The following FAM89A variants were observed in gnomAD, a reference collection of about 807,000 sequenced individuals.
FAM89A encodes family with sequence similarity 89 member A, also known as protein FAM89A.
A neutral mutation model predicts 7.1 loss-of-function variants in FAM89A; 10 were observed. The observed-to-expected ratio is 1.40, with a 90% CI of 0.86 to 2.38. The LOEUF (loss-of-function observed/expected upper bound fraction) is 2.38, where lower values mean the gene tolerates loss of function less well. Among genes scored for constraint, FAM89A ranks in the 30% most tolerant of loss-of-function variants. FAM89A has a pLI of 0.00. For synonymous variants in FAM89A, 157 were observed against 129.3 expected (o/e 1.21, Z -1.45); for missense variants, 276 against 262.8 (o/e 1.05, Z -0.35).
chr1:231,021,399 GCTT>G (rs571199702), intron 1 of FAM89A, among the ~76,000 whole-genome samples: 1,975 of 141,790 alleles, frequency 0.014, 26 homozygotes, highest in Non-Finnish European at 0.021. Context: ...TGGAGAAGGA[GCTT>G]CTTCTCTGGA....
intron 1 of FAM89A, among the ~76,000 whole-genome samples, chr1:231,037,445 C>T (rs1488704363): frequency 3.3e-5 from 5 of 152,142 alleles, no homozygotes; most frequent in South Asian, 4.1e-4. Context: ...CCTCCAGCTT[C>T]GGCTTCAGAA....
intron 1 of FAM89A, among the ~76,000 whole-genome samples, chr1:231,035,045 C>T (rs1221920286): frequency 4.6e-5 from 7 of 152,184 alleles, no homozygotes; most frequent in Admixed American, 4.6e-4. Context: ...TTCTAAATGG[C>T]ACTTCATAGC....
Position 231,019,653 on chromosome 1 carries a change from G to A in FAM89A, c.*210C>T. 1 of 580,604 alleles carries A rather than the reference G, an allele frequency of 1.7e-6. No individual in the cohort carries two copies. The highest frequency in any genetic ancestry group is 2.1e-5 in the South Asian group (1 of 48,022). 36.0% of individuals were successfully genotyped at this position (580,604 alleles called of 1,614,324 possible). ...GGAGGATACTGCTGAGGACCTCTAG[G>A]TCACCTAAGCAGAAACTGCTGCCAT... On this transcript the variant is annotated 3_prime_UTR_variant, in exon 2 of 2. Transcript: ENST00000366654.
intron 1 of FAM89A, among the ~76,000 whole-genome samples, chr1:231,024,160 T>TAGCAGAGGA: frequency 6.6e-6 from 1 of 151,714 alleles, no homozygotes; most frequent in South Asian, 2.1e-4. Context: ...TTTGGACTCC[T>TAGCAGAGGA]CTGCTAGTGT....
intron 1 of FAM89A, among the ~76,000 whole-genome samples, chr1:231,028,968 A>G (rs113820805): frequency 2.6e-4 from 40 of 151,850 alleles, no homozygotes; most frequent in African/African-American, 9.2e-4. Context: ...ATACAAATAC[A>G]CTCCAGACAG....
At chr1:231,031,237 A>G (rs951512200) in intron 1 of FAM89A, among the ~76,000 whole-genome samples, 10 of 152,174 alleles carry the variant, frequency 6.6e-5, no homozygotes, top group Non-Finnish European at 1.3e-4. Context: ...GTTTTGGTTG[A>G]AGTAAATGAA....
chr1:231,019,578 T>A lies in FAM89A; in HGVS notation c.*285A>T. On this transcript the variant is annotated 3_prime_UTR_variant, in exon 2 of 2. Coordinates refer to ENST00000366654, the MANE Select transcript of FAM89A (RefSeq NM_198552.3). ...AAGGCCTTTCACCGAGATCCTCTTG[T>A]TATATTCTCATTATGAATCCCCAGC... 2.8e-6 allele frequency: 1 copy of A among 356,222 alleles called. No individual in the cohort carries two copies. The highest frequency in any genetic ancestry group is 5.1e-6 in the Non-Finnish European group (1 of 194,450). The allele number at this position is 356,222 out of a possible 1,614,324, so 22.1% of individuals were successfully genotyped here. A position where few individuals can be genotyped will look rare whatever the true frequency, so the allele number is the denominator to read the frequency against.
chr1:231,030,131 T>C (rs56178715), intron 1 of FAM89A, among the ~76,000 whole-genome samples: 15,071 of 152,268 alleles, frequency 0.099, 1,160 homozygotes, highest in African/African-American at 0.21. Context: ...TCTGATGACC[T>C]GGTCTCCTAT....
chr1:231,024,487 TAAAA>T (rs1179638225), intron 1 of FAM89A, among the ~76,000 whole-genome samples: 1 of 150,196 alleles, frequency 6.7e-6, no homozygotes, highest in Admixed American at 6.7e-5. Context: ...GAATAGACCA[TAAAA>T]ATCAGAACTA....
chr1:231,021,896 G>A (rs1679885838), intron 1 of FAM89A: 2 of 1,564,866 alleles, frequency 1.3e-6, no homozygotes, highest in South Asian at 2.2e-5. Flanking sequence ...GGTGAGCAGT[G>A]ACGATGAGTT....
intron 1 of FAM89A, among the ~76,000 whole-genome samples, chr1:231,030,127 G>A (rs1277529939): frequency 6.6e-6 from 1 of 152,152 alleles, no homozygotes; most frequent in East Asian, 1.9e-4. Context: ...GGCTTCTGAT[G>A]ACCTGGTCTC....
chr1:231,033,696 A>C (rs1206870078), intron 1 of FAM89A, among the ~76,000 whole-genome samples: 8 of 152,228 alleles, frequency 5.3e-5, no homozygotes, highest in Admixed American at 2.0e-4. Flanking sequence ...AAAGGGAAAA[A>C]AAGGAGAAGG....
Position 231,019,717 on chromosome 1 carries a change from T to A in FAM89A, c.*146A>T. 1.1e-6 allele frequency: 1 copy of A among 874,622 alleles called. No individual in the cohort carries two copies. The highest frequency in any genetic ancestry group is 1.7e-6 in the Non-Finnish European group (1 of 580,506). The allele number at this position is 874,622 out of a possible 1,614,324, so 54.2% of individuals were successfully genotyped here. On this transcript the variant is annotated 3_prime_UTR_variant, in exon 2 of 2. Transcript: ENST00000366654. The stretch of plus-strand genomic sequence containing the variant: ...CACCATGCATCCGCGGAGAACTCCC[T>A]GCCTACAAATGAAACTGGTAGCGCT...
intron 1 of FAM89A, among the ~76,000 whole-genome samples, chr1:231,025,276 G>C (rs1191034263): frequency 1.3e-5 from 2 of 152,144 alleles, no homozygotes; most frequent in Non-Finnish European, 2.9e-5. Flanking sequence ...AGAGACCTCA[G>C]CTGCAGGTCG....
In FAM89A at chr1:231,022,354, C is replaced by T. The variant is rs558882899; in HGVS notation, c.292-2228G>A. ...TTATCTCCAGTTTGATGCTATGGCG[C>T]TGGACCCAGGGCCCTCCCAGGCCAT... is the stretch of plus-strand genomic sequence containing the variant. On this transcript the variant is annotated intron_variant, in intron 1 of 1. Transcript: ENST00000366654. 1.3e-5 allele frequency among the ~76,000 whole-genome samples: 2 copies of T among 152,300 alleles called. 1 individual carries two copies. The highest frequency in any genetic ancestry group is 4.8e-5 in the African/African-American group (2 of 41,578).
chr1:231,031,420 T>A (rs570568294), intron 1 of FAM89A, among the ~76,000 whole-genome samples: 10 of 152,332 alleles, frequency 6.6e-5, no homozygotes, highest in African/African-American at 2.4e-4. Context: ...TTAAAACCCA[T>A]CAGTCTTGCA....
chr1:231,021,943 C>A, intron 1 of FAM89A: 1 of 1,442,700 alleles, frequency 6.9e-7, no homozygotes, highest in Non-Finnish European at 9.8e-7. Context: ...TGACTACCCA[C>A]ACTTCCAGAA....
chr1:231,032,779 T>C (rs1286098437), intron 1 of FAM89A, among the ~76,000 whole-genome samples: 4 of 152,204 alleles, frequency 2.6e-5, no homozygotes, highest in African/African-American at 9.6e-5. Context: ...GCCTAGGCTC[T>C]CCTGGCTGGG....
intron 1 of FAM89A, chr1:231,026,048 CTG>C (rs888166374): frequency 6.7e-6 from 1 of 148,294 alleles, no homozygotes; most frequent in African/African-American, 2.5e-5. Context: ...AGCTGAGAAA[CTG>C]TGGATAAATT....
Sources: allele counts gnomAD v4.1 joint callset (sites outside exome capture counted in the v4.1 genomes callset), GRCh38; gene constraint gnomAD v4.1.1; transcripts MANE v1.5; gene names NCBI Gene and HGNC (gene_info 2026-07-23, HGNC 2026-07-21).